The following TTC17 variants were observed in gnomAD, a reference collection of about 807,000 sequenced individuals.
TTC17 encodes the protein tetratricopeptide repeat protein 17.
TTC17 carries 58 observed loss-of-function variants against 143.8 expected under a neutral mutation model. That is an observed-to-expected ratio of 0.40 (90% CI 0.33 to 0.50). The LOEUF (loss-of-function observed/expected upper bound fraction) is 0.50, where lower values mean the gene tolerates loss of function less well. TTC17 is among the 20% of genes least tolerant of loss of function. The pLI is 0.49. For missense variants in TTC17, 1,273 were observed against 1,392.5 expected (o/e 0.91, Z 1.37); for synonymous variants, 501 against 497.8 (o/e 1.01, Z -0.09).
At chr11:43,436,258 TG>T in intron 16 of TTC17, 1 of 1,463,506 alleles carries the variant, frequency 6.8e-7, no homozygotes, top group South Asian at 1.4e-5. Context: ...AAGAGCCCTC[TG>T]AGAGAGGAAC....
At chr11:43,364,745 T>C (rs1856261764) in intron 1 of TTC17, among the ~76,000 whole-genome samples, 1 of 152,340 alleles carries the variant, frequency 6.6e-6, no homozygotes, top group East Asian at 1.9e-4. Context: ...AGCTTGGAAA[T>C]GTACAGAAAT....
In TTC17 at chr11:43,358,926, G is replaced by T. The variant is rs1340069835; in HGVS notation, c.-29G>T. ...GCGCCGGAGACTAGCTTCCGCTTCC[G>T]GTGTGAGCGGCCCGGCCGGGGGGGC... On this transcript the variant is annotated 5_prime_UTR_variant, in exon 1 of 24. Coordinates refer to ENST00000039989, the MANE Select transcript of TTC17 (RefSeq NM_018259.6). 9 of 1,548,536 alleles carry T rather than the reference G, an allele frequency of 5.8e-6. No individual in the cohort carries two copies. The highest frequency in any genetic ancestry group is 7.8e-6 in the Non-Finnish European group (9 of 1,148,526).
At chr11:43,405,267 CTCT>C (rs1858064536) in intron 11 of TTC17, among the ~76,000 whole-genome samples, 2 of 152,030 alleles carry the variant, frequency 1.3e-5, no homozygotes. Flanking sequence ...CCAAGCAAGC[CTCT>C]TCTTGTGTCT....
At chr11:43,410,959 T>C (rs1333780818) in intron 15 of TTC17, among the ~76,000 whole-genome samples, 3 of 152,178 alleles carry the variant, frequency 2.0e-5, no homozygotes, top group Non-Finnish European at 4.4e-5. Flanking sequence ...ATCCAAACCA[T>C]AATTATTTTT....
intron 1 of TTC17, among the ~76,000 whole-genome samples, chr11:43,364,351 C>T (rs1424027401): frequency 2.0e-5 from 3 of 152,048 alleles, no homozygotes; most frequent in African/African-American, 7.2e-5. Context: ...GCCATTGTGC[C>T]CAGCCATTAA....
At chr11:43,383,070 TA>T (rs1295745944) in intron 2 of TTC17, among the ~76,000 whole-genome samples, 2 of 152,012 alleles carry the variant, frequency 1.3e-5, no homozygotes, top group African/African-American at 4.8e-5. Flanking sequence ...CTATTTTTTT[TA>T]TTTTTTGTAG....
intron 1 of TTC17, 44 bp downstream of exon 1, chr11:43,359,157 C>T: frequency 1.3e-6 from 2 of 1,525,540 alleles, no homozygotes; most frequent in Non-Finnish European, 1.8e-6. Context: ...CGCCCTCGCC[C>T]CGGGGGGATT....
chr11:43,438,941 T>C (rs903715937), intron 16 of TTC17, among the ~76,000 whole-genome samples: 1 of 152,218 alleles, frequency 6.6e-6, no homozygotes, highest in African/African-American at 2.4e-5. Context: ...CGGATAACCA[T>C]TGTCATTTGA....
At chr11:43,398,432 C>T (rs1444579088) in intron 8 of TTC17, among the ~76,000 whole-genome samples, 1 of 152,138 alleles carries the variant, frequency 6.6e-6, no homozygotes, top group Non-Finnish European at 1.5e-5. Flanking sequence ...ACTTAGTTGA[C>T]TACTTACTTT....
intron 7 of TTC17, 68 bp from the exon 8 acceptor site, chr11:43,397,906 G>GTC (rs1438308253): frequency 1.0e-5 from 3 of 300,210 alleles, no homozygotes. Context: ...TTTTCCGTGT[G>GTC]TGTGTGTGTG....
intron 21 of TTC17, among the ~76,000 whole-genome samples, chr11:43,459,721 T>C (rs1165679876): frequency 6.6e-6 from 1 of 152,248 alleles, no homozygotes. Flanking sequence ...TCTTTTACTT[T>C]AGGATGGTAT....
At chr11:43,393,523 T>TGAGACC in intron 5 of TTC17, among the ~76,000 whole-genome samples, 1 of 152,282 alleles carries the variant, frequency 6.6e-6, no homozygotes, top group Non-Finnish European at 1.5e-5. Context: ...GTTTAAGGGT[T>TGAGACC]TCTACGGAGG....
chr11:43,365,429 C>G (rs1856295461), intron 1 of TTC17, among the ~76,000 whole-genome samples: 1 of 152,068 alleles, frequency 6.6e-6, no homozygotes, highest in Non-Finnish European at 1.5e-5. Context: ...CCACCACACC[C>G]AGCTAATTTT....
chr11:43,400,575 G>A (rs1590358437), intron 9 of TTC17, among the ~76,000 whole-genome samples: 1 of 152,134 alleles, frequency 6.6e-6, no homozygotes, highest in Non-Finnish European at 1.5e-5. Flanking sequence ...CTTAAAAACA[G>A]TGTTTTAGAA....
intron 16 of TTC17, among the ~76,000 whole-genome samples, chr11:43,438,053 A>G (rs1262724015): frequency 6.6e-6 from 1 of 152,230 alleles, no homozygotes; most frequent in Non-Finnish European, 1.5e-5. Context: ...GTCATTGTTT[A>G]TATGTTAAAT....
chr11:43,378,884 AAAC>A, intron 1 of TTC17: 1 of 228,150 alleles, frequency 4.4e-6, no homozygotes, highest in Non-Finnish European at 8.6e-6. Context: ...TGTGCTATCA[AAAC>A]AAGACAATTC....
intron 21 of TTC17, among the ~76,000 whole-genome samples, chr11:43,462,242 G>A (rs1258315913): frequency 2.0e-5 from 3 of 152,164 alleles, no homozygotes; most frequent in Non-Finnish European, 2.9e-5. Context: ...AGATATCCAC[G>A]TTCTAATCCC....
In TTC17 at chr11:43,415,449, ACT is replaced by A. The variant is rs575905048; in HGVS notation, c.2251+678_2251+679del. Among the ~76,000 whole-genome samples the A allele has an allele frequency of 7.9e-5, 12 of 152,272 alleles. 1 individual carries two copies. The South Asian group carries it at 2.1e-3, about 26-fold the overall frequency. On this transcript the variant is annotated intron_variant, in intron 16 of 23. Transcript: ENST00000039989. ...AGAAAAAATAAAATCGTGAATTTTA[ACT>A]CTCTGCCTTGAATTGGGATGGGTGC... is the stretch of plus-strand genomic sequence containing the variant.
chr11:43,490,145 T>TG, intron 21 of TTC17, 94 bp from the exon 22 acceptor site: 1 of 1,499,422 alleles, frequency 6.7e-7, no homozygotes, highest in Non-Finnish European at 9.0e-7. Context: ...AATACTCAGT[T>TG]GAATGGTCAT....
Sources: gnomAD v4.1 joint callset for allele counts (sites outside exome capture counted in the v4.1 genomes callset) on GRCh38, gnomAD v4.1.1 for gene constraint, MANE v1.5 for transcripts, NCBI Gene and HGNC (gene_info 2026-07-23, HGNC 2026-07-21) for gene names.